Variants in COL14A1 observed in about 807,000 individuals in gnomAD.
COL14A1 encodes the protein collagen type XIV alpha 1 chain.
In COL14A1, 136 loss-of-function variants were observed where a neutral mutation model predicts 230.3. The observed-to-expected ratio is 0.59, with a 90% CI of 0.51 to 0.68. The LOEUF is 0.68. COL14A1 is among the 30% of genes least tolerant of loss of function. The probability of loss-of-function intolerance (pLI) is 0.00; values close to 1 mark genes in which losing one functional copy is unlikely to be tolerated. For missense variants in COL14A1, 1,976 were observed against 2,215.8 expected (o/e 0.89, Z 2.17); for synonymous variants, 792 against 784.1 (o/e 1.01, Z -0.17).
At chr8:120,292,875 G>A (rs564302103) in intron 34 of COL14A1, among the ~76,000 whole-genome samples, 4 of 152,112 alleles carry the variant, frequency 2.6e-5, no homozygotes, top group African/African-American at 9.6e-5. Flanking sequence ...ATGCATTTAA[G>A]GATACAGTAA....
Position 120,250,632 on chromosome 8 carries a change from T to C in COL14A1, c.2618T>C (p.Leu873Pro). Residue 873 changes from leucine (L) to proline (P), a missense_variant, in exon 22 of 48, where the codon CTG becomes CCG. Physicochemically the swap from Leu to Pro is moderately conservative, Grantham distance 98. Around this residue, in one of 3 missense-constraint regions of COL14A1, gnomAD observed 1,791 missense variants for 2,019.5 expected, o/e 0.89. Transcript: ENST00000297848. ...TCTTCTTTAGTTCCTGGTCCAACACTGGAAACGTTTGTGGGAGCTGACATT... is the reference window on the plus strand; with the variant it reads ...TCTTCTTTAGTTCCTGGTCCAACACCGGAAACGTTTGTGGGAGCTGACATT... ...YKPVSVPGPT[L>P]ETFVGADINT... The C allele has an allele frequency of 6.2e-7, 1 of 1,614,218 alleles. No individual in the cohort carries two copies. The highest frequency in any genetic ancestry group is 8.5e-7 in the Non-Finnish European group (1 of 1,180,026).
At chr8:120,200,767 T>TATA (rs1554606076) in intron 8 of COL14A1, among the ~76,000 whole-genome samples, 103 of 104,222 alleles carry the variant, frequency 9.9e-4, no homozygotes, top group Non-Finnish European at 1.3e-3. Context: ...ATATATATAT[T>TATA]ATTTTTCATC....
intron 2 of COL14A1, among the ~76,000 whole-genome samples, chr8:120,155,906 T>C (rs10738134): frequency 0.36 from 55,327 of 152,022 alleles, 11,405 homozygotes; most frequent in East Asian, 0.57. Flanking sequence ...GTTATTCTTA[T>C]GATAAATTTA....
rs1448501274 is a variant in COL14A1 at position 120,279,998 on chromosome 8, G to A, written c.3545G>A (p.Ser1182Asn). The part of the protein sequence containing the change: ...ADYSELVSIG[S>N]KPSARHVFFV... ...TACTCGGAGTTGGTTAGCATTGGCA[G>A]TAAGCCCAGCGCACGCCATGTCTTC... is the stretch of plus-strand genomic sequence containing the variant. The change falls in exon 29 of 48, where the codon AGT becomes AAT. Residue 1182 changes from serine to asparagine, a missense_variant. By Grantham distance (46) the Ser-to-Asn change is conservative. Transcript: ENST00000297848. The A allele has an allele frequency of 6.2e-7, 1 of 1,613,860 alleles. No individual in the cohort carries two copies. The highest frequency in any genetic ancestry group is 1.3e-5 in the African/African-American group (1 of 75,044).
intron 36 of COL14A1, among the ~76,000 whole-genome samples, chr8:120,302,561 C>CT (rs1308168039): frequency 6.6e-6 from 1 of 151,844 alleles, no homozygotes; most frequent in African/African-American, 2.4e-5. Flanking sequence ...GGTATGTTGT[C>CT]TTTTTTCTGG....
intron 34 of COL14A1, among the ~76,000 whole-genome samples, chr8:120,296,586 A>G (rs913190471): frequency 1.3e-5 from 2 of 151,978 alleles, no homozygotes; most frequent in Non-Finnish European, 2.9e-5. Context: ...TTTAAAATGA[A>G]AACAATTTCA....
chr8:120,218,496 G>C (rs1467608819), intron 14 of COL14A1, among the ~76,000 whole-genome samples: 1 of 151,886 alleles, frequency 6.6e-6, no homozygotes, highest in African/African-American at 2.4e-5. Context: ...TTTTAGTAGA[G>C]ACAGGGTTTC....
chr8:120,356,480 AC>A (rs1024791158), intron 45 of COL14A1, among the ~76,000 whole-genome samples: 25 of 152,210 alleles, frequency 1.6e-4, no homozygotes, highest in Admixed American at 1.4e-3. Flanking sequence ...ATTCAGTGGT[AC>A]TTACTGAGCA....
Position 120,231,628 on chromosome 8 carries a change from A to C in COL14A1, c.2349+10A>C, listed in dbSNP as rs1483936747. On this transcript the variant is annotated intron_variant, in intron 19 of 47. Transcript: ENST00000297848. ...AGAAGTCATAGGAACGGTCTGTATA[A>C]ATTCAACTGACTAGAAACTCTGCAG... 6.2e-7 allele frequency: 1 copy of C among 1,610,896 alleles called. No individual in the cohort carries two copies. Among genetic ancestry groups the C allele is most frequent in the Non-Finnish European group, 8.5e-7 (1 of 1,178,912 alleles).
chr8:120,299,018 C>T (rs1373929847), intron 35 of COL14A1, among the ~76,000 whole-genome samples: 1 of 151,856 alleles, frequency 6.6e-6, no homozygotes, highest in Non-Finnish European at 1.5e-5. Context: ...CATCAGATCT[C>T]ATAAGAATGT....
intron 13 of COL14A1, among the ~76,000 whole-genome samples, chr8:120,213,519 A>G (rs1476406887): frequency 1.3e-5 from 2 of 152,188 alleles, no homozygotes; most frequent in Non-Finnish European, 2.9e-5. Context: ...CTCTTCGGAG[A>G]AAGACCAATG....
intron 37 of COL14A1, among the ~76,000 whole-genome samples, chr8:120,311,719 T>A (rs565070785): frequency 5.5e-4 from 84 of 152,300 alleles, no homozygotes; most frequent in African/African-American, 1.9e-3. Flanking sequence ...TCTCTCCTAG[T>A]CATTTTTGCC....
intron 37 of COL14A1, among the ~76,000 whole-genome samples, chr8:120,311,665 A>G (rs1586853050): frequency 6.6e-6 from 1 of 152,294 alleles, no homozygotes; most frequent in Non-Finnish European, 1.5e-5. Context: ...GTTGCAGCAA[A>G]TACAGAATAA....
intron 4 of COL14A1, 45 bp downstream of exon 4, chr8:120,162,614 C>T (rs1331845520): frequency 6.7e-7 from 1 of 1,498,024 alleles, no homozygotes. Context: ...GACTCTGTCC[C>T]AGCCTTGGAT....
chr8:120,319,785 A>G (rs1821372751), intron 40 of COL14A1, among the ~76,000 whole-genome samples: 1 of 151,716 alleles, frequency 6.6e-6, no homozygotes, highest in South Asian at 2.1e-4. Context: ...AACTTCATTG[A>G]ACAAGTTGCA....
At chr8:120,281,740 T>C (rs1820048220) in intron 31 of COL14A1, among the ~76,000 whole-genome samples, 2 of 152,124 alleles carry the variant, frequency 1.3e-5, no homozygotes, top group South Asian at 4.1e-4. Flanking sequence ...ATGACTTGAG[T>C]GAGCTCACAT....
At chr8:120,206,835 C>A in intron 9 of COL14A1, 108 bp from the exon 10 acceptor site, 1 of 1,118,398 alleles carries the variant, frequency 8.9e-7, no homozygotes, top group Non-Finnish European at 1.2e-6. Flanking sequence ...AGAGGAAAAT[C>A]TTAGAGGCAG....
chr8:120,209,790 C>CT lies in COL14A1; in HGVS notation c.1356_1357insT (p.Asp453Ter). 1 of 1,613,464 alleles carries CT rather than the reference C, an allele frequency of 6.2e-7. No individual in the cohort carries two copies. Among genetic ancestry groups the CT allele is most frequent in the Non-Finnish European group, 8.5e-7 (1 of 1,179,708 alleles). ...CGATGGCTTCTGACCTTCTACTGTA[C>CT]GACGTGACTGAGAACAGCATGCGAG... On this transcript the variant is annotated frameshift_variant, in exon 12 of 48. Transcript: ENST00000297848. LOFTEE classifies it high-confidence loss of function.
rs1333777591 is a variant in COL14A1 at position 120,337,775 on chromosome 8, A to C, written c.4786-3550A>C. Among the ~76,000 whole-genome samples, 3 of 152,198 alleles carry C rather than the reference A, an allele frequency of 2.0e-5. No homozygotes were observed. In the East Asian group the frequency reaches 5.8e-4, roughly 29 times the overall value. ...CCTCAAAGCATACTTTGGTGGAGTT[A>C]TGGGCCTTCACTTGCTCAGGAATTT... is the stretch of plus-strand genomic sequence containing the variant. On this transcript the variant is annotated intron_variant, in intron 42 of 47. Coordinates refer to ENST00000297848, the MANE Select transcript of COL14A1 (RefSeq NM_021110.4).
Sources: gnomAD v4.1 joint callset for allele counts (sites outside exome capture counted in the v4.1 genomes callset) on GRCh38, gnomAD v4.1.1 for gene constraint, gnomAD v4.1.1 regional missense constraint, MANE v1.5 for transcripts, NCBI Gene and HGNC (gene_info 2026-07-23, HGNC 2026-07-21) for gene names.